The following SLC38A6 variants were observed in gnomAD, a reference collection of about 807,000 sequenced individuals.
SLC38A6 encodes the protein solute carrier family 38 member 6, also known as N system amino acid transporter NAT-1.
Under a neutral mutation model 65.0 loss-of-function variants are expected in SLC38A6, and 73 were observed. That is an observed-to-expected ratio of 1.12 (90% CI 0.93 to 1.37). SLC38A6 has a LOEUF of 1.37. SLC38A6 is among the 40% of genes most tolerant of loss of function. The pLI is 0.00. For missense variants in SLC38A6, 561 were observed against 531.1 expected (o/e 1.06, Z -0.55); for synonymous variants, 183 against 178.8 (o/e 1.02, Z -0.19).
intron 3 of SLC38A6, among the ~76,000 whole-genome samples, chr14:61,011,127 A>G (rs954492663): frequency 5.9e-5 from 9 of 152,204 alleles, no homozygotes; most frequent in Admixed American, 5.2e-4. Flanking sequence ...TAGGTATTTT[A>G]TTCTCTTTGA....
intron 15 of SLC38A6, among the ~76,000 whole-genome samples, chr14:61,067,143 C>A (rs1384252336): frequency 6.6e-6 from 1 of 152,032 alleles, no homozygotes; most frequent in African/African-American, 2.4e-5. Context: ...TCAAAATTAC[C>A]TGTGTTCGAA....
intron 6 of SLC38A6, among the ~76,000 whole-genome samples, chr14:61,031,290 A>G (rs1012241491): frequency 2.2e-4 from 34 of 152,182 alleles, no homozygotes; most frequent in African/African-American, 8.0e-4. Flanking sequence ...AAACCACAGT[A>G]CAAAACCTGT....
At chr14:60,991,865 C>T (rs1159632580) in intron 3 of SLC38A6, among the ~76,000 whole-genome samples, 1 of 152,170 alleles carries the variant, frequency 6.6e-6, no homozygotes, top group Non-Finnish European at 1.5e-5. Flanking sequence ...GACATCGCAT[C>T]CGTGTTCTAG....
downstream of SLC38A6, among the ~76,000 whole-genome samples, chr14:61,055,149 G>T (rs2042670243): frequency 1.1e-5 from 1 of 91,292 alleles, no homozygotes; most frequent in Non-Finnish European, 2.3e-5. Flanking sequence ...TAAGTTTTAG[G>T]GTACATGTGC....
At chr14:60,993,928 A>G (rs2038088296) in intron 3 of SLC38A6, among the ~76,000 whole-genome samples, 1 of 152,250 alleles carries the variant, frequency 6.6e-6, no homozygotes, top group Non-Finnish European at 1.5e-5. Context: ...TGAAACACTG[A>G]CAATACCAAA....
chr14:60,982,390 C>T (rs2037121763), intron 1 of SLC38A6, 118 bp from the exon 2 acceptor site: 4 of 1,314,892 alleles, frequency 3.0e-6, no homozygotes, highest in Non-Finnish European at 4.3e-6. Context: ...ACGAGTGTGT[C>T]ATACAAACCC....
chr14:61,063,462 C>T (rs1481327646), intron 15 of SLC38A6, among the ~76,000 whole-genome samples: 3 of 152,150 alleles, frequency 2.0e-5, no homozygotes, highest in African/African-American at 4.8e-5. Context: ...TGCAGCTTCT[C>T]ATTGACATGG....
chr14:61,050,669 A>G (rs771427507), intron 13 of SLC38A6, 33 bp downstream of exon 13: 2 of 1,461,932 alleles, frequency 1.4e-6, no homozygotes, highest in Non-Finnish European at 1.8e-6. Flanking sequence ...GTTGCCTAGT[A>G]TAGACGCTTC....
At chr14:61,037,251 C>A in intron 7 of SLC38A6, 110 bp downstream of exon 7, 1 of 768,484 alleles carries the variant, frequency 1.3e-6, no homozygotes, top group Non-Finnish European at 2.1e-6. Flanking sequence ...ACATTTTTGG[C>A]AGAAGGATGG....
At chr14:61,009,893 A>G (rs1446869324) in intron 3 of SLC38A6, among the ~76,000 whole-genome samples, 1 of 152,178 alleles carries the variant, frequency 6.6e-6, no homozygotes. Flanking sequence ...TTGGGTATAT[A>G]CCCAGTAATG....
rs906273039 is a variant in SLC38A6 at position 60,985,220 on chromosome 14, G to T, written c.310+417G>T. ...AGGTAGGGATGGCAGAATTAGGATT[G>T]TAGGAAGTAAGGTCACAAAGCTTTA... On this transcript the variant is annotated intron_variant, in intron 3 of 15. Coordinates refer to ENST00000267488, the MANE Select transcript of SLC38A6 (RefSeq NM_153811.3). 3.9e-5 allele frequency among the ~76,000 whole-genome samples: 6 copies of T among 152,284 alleles called. 1 individual carries two copies. In the South Asian group the frequency reaches 1.0e-3, roughly 26 times the overall value.
intron 3 of SLC38A6, among the ~76,000 whole-genome samples, chr14:60,988,546 A>G (rs998576848): frequency 1.3e-5 from 2 of 152,080 alleles, no homozygotes; most frequent in African/African-American, 2.4e-5. Flanking sequence ...ATTTTCTCCT[A>G]TGGTCATACC....
intron 3 of SLC38A6, among the ~76,000 whole-genome samples, chr14:61,004,880 A>G (rs1449452119): frequency 6.6e-6 from 1 of 152,190 alleles, no homozygotes; most frequent in Non-Finnish European, 1.5e-5. Context: ...CAGAGACACA[A>G]CCAAAAAAGA....
chr14:61,081,250 T>C (rs2043632945), intron 16 of SLC38A6, among the ~76,000 whole-genome samples: 1 of 152,220 alleles, frequency 6.6e-6, no homozygotes, highest in South Asian at 2.1e-4. Flanking sequence ...GATTGAAGAA[T>C]GGAAACCAAG....
intron 6 of SLC38A6, among the ~76,000 whole-genome samples, chr14:61,031,334 C>T (rs1321362299): frequency 6.6e-6 from 1 of 152,104 alleles, no homozygotes; most frequent in Non-Finnish European, 1.5e-5. Context: ...GGTTGTTCTG[C>T]TTCAATAATT....
intron 15 of SLC38A6, among the ~76,000 whole-genome samples, chr14:61,062,891 C>G (rs1043334172): frequency 3.9e-5 from 6 of 152,162 alleles, no homozygotes; most frequent in Admixed American, 3.3e-4. Flanking sequence ...GTTGGCCAGG[C>G]TGGTCGCAAA....
intron 3 of SLC38A6, among the ~76,000 whole-genome samples, chr14:60,992,123 T>G (rs913633213): frequency 2.0e-5 from 3 of 152,202 alleles, no homozygotes; most frequent in Non-Finnish European, 2.9e-5. Context: ...TACTTGTACT[T>G]TACTATCTTT....
intron 3 of SLC38A6, among the ~76,000 whole-genome samples, chr14:60,992,511 T>A (rs2037975922): frequency 6.6e-6 from 1 of 152,078 alleles, no homozygotes; most frequent in Non-Finnish European, 1.5e-5. Flanking sequence ...TAACAGGTAT[T>A]TAAGTTCATG....
intron 12 of SLC38A6, among the ~76,000 whole-genome samples, chr14:61,046,837 G>A (rs1353100745): frequency 1.3e-5 from 2 of 152,066 alleles, no homozygotes; most frequent in African/African-American, 2.4e-5. Flanking sequence ...TACACCATCA[G>A]GAAAAGCATT....
Sources: allele counts gnomAD v4.1 joint callset (sites outside exome capture counted in the v4.1 genomes callset), GRCh38; gene constraint gnomAD v4.1.1; transcripts MANE v1.5; gene names NCBI Gene and HGNC (gene_info 2026-07-23, HGNC 2026-07-21).